SMG6: variants seen among roughly 807,000 people sequenced by gnomAD.
The protein encoded by SMG6 is SMG6 nonsense mediated mRNA decay factor, also known as telomerase-binding protein EST1A.
A neutral mutation model predicts 142.2 loss-of-function variants in SMG6; 66 were observed. The observed-to-expected ratio is 0.46, with a 90% CI of 0.38 to 0.57. SMG6 has a LOEUF of 0.57. Ranked by LOEUF, SMG6 falls within the 20% of genes least tolerant of loss-of-function variation. SMG6 has a pLI of 0.00. For missense variants in SMG6, 1,793 were observed against 1,832.0 expected, an observed-to-expected ratio of 0.98 and a Z score of 0.39; for synonymous variants, 779 against 702.4, an observed-to-expected ratio of 1.11 and a Z score of -1.72.
At chr17:2,152,922 T>A (rs998278893) in intron 13 of SMG6, among the ~76,000 whole-genome samples, 5 of 151,978 alleles carry the variant, frequency 3.3e-5, no homozygotes, top group Non-Finnish European at 7.4e-5. Flanking sequence ...AAACTGCAAA[T>A]AGCCCAAATG....
chr17:2,171,732 CTTT>C (rs370221402), intron 13 of SMG6, among the ~76,000 whole-genome samples: 6 of 138,186 alleles, frequency 4.3e-5, no homozygotes, highest in African/African-American at 5.3e-5. Context: ...GGAATTTTTA[CTTT>C]TTTTTTTTTT....
At chr17:2,272,904 T>G (rs2074569112) in intron 8 of SMG6, among the ~76,000 whole-genome samples, 1 of 151,364 alleles carries the variant, frequency 6.6e-6, no homozygotes. Flanking sequence ...CACTCCAGCA[T>G]GGGGGACAGA....
intron 6 of SMG6, among the ~76,000 whole-genome samples, chr17:2,291,866 AAAAAAG>A (rs2075045828): frequency 6.6e-6 from 1 of 151,310 alleles, no homozygotes; most frequent in Non-Finnish European, 1.5e-5. Flanking sequence ...AAAAAAAAAA[AAAAAAG>A]AGAGAGACAA....
intron 13 of SMG6, among the ~76,000 whole-genome samples, chr17:2,108,073 TG>T (rs2069202334): frequency 6.6e-6 from 1 of 152,142 alleles, no homozygotes; most frequent in African/African-American, 2.4e-5. Context: ...GGTTTTTTTT[TG>T]TTTTGTTTTG....
intron 8 of SMG6, among the ~76,000 whole-genome samples, chr17:2,261,183 G>A (rs2074304447): frequency 2.0e-5 from 3 of 150,922 alleles, no homozygotes; most frequent in South Asian, 2.1e-4. Flanking sequence ...GTGTGGTGGC[G>A]AGCACCTGTA....
chr17:2,063,664 T>G (rs778019659), intron 18 of SMG6, among the ~76,000 whole-genome samples: 12 of 152,230 alleles, frequency 7.9e-5, no homozygotes, highest in Non-Finnish European at 1.6e-4. Context: ...TCTAGGAAGC[T>G]CAGGCTTGCC....
chr17:2,242,689 T>TAAAAAAAAAA (rs57079220), intron 9 of SMG6, among the ~76,000 whole-genome samples: 42 of 55,848 alleles, frequency 7.5e-4, no homozygotes, highest in South Asian at 1.7e-3. Flanking sequence ...TCCATCTCTT[T>TAAAAAAAAAA]AAAAAAAAAA....
At chr17:2,219,431 G>T (rs538934948) in intron 10 of SMG6, among the ~76,000 whole-genome samples, 8 of 152,070 alleles carry the variant, frequency 5.3e-5, no homozygotes, top group Admixed American at 2.0e-4. Context: ...AATGTCTACA[G>T]GAAGGTGGTT....
At chr17:2,230,844 C>T (rs1010273147) in intron 10 of SMG6, among the ~76,000 whole-genome samples, 1 of 152,166 alleles carries the variant, frequency 6.6e-6, no homozygotes, top group African/African-American at 2.4e-5. Context: ...CTACTTCTCA[C>T]AAAATTCCTT....
chr17:2,110,782 C>T (rs911468841), intron 13 of SMG6, among the ~76,000 whole-genome samples: 6 of 152,174 alleles, frequency 3.9e-5, no homozygotes, highest in Admixed American at 2.0e-4. Context: ...GTGCTCCAGT[C>T]TGCACGCTGC....
intron 13 of SMG6, among the ~76,000 whole-genome samples, chr17:2,157,404 T>A (rs938184966): frequency 6.6e-6 from 1 of 152,218 alleles, no homozygotes; most frequent in Non-Finnish European, 1.5e-5. Context: ...GAACTCCACA[T>A]ACTCAACTTC....
chr17:2,189,383 G>A (rs987963576), intron 10 of SMG6, among the ~76,000 whole-genome samples: 2 of 152,082 alleles, frequency 1.3e-5, no homozygotes, highest in Non-Finnish European at 2.9e-5. Context: ...TGAAAGCCAC[G>A]TCATCTGAAC....
intron 8 of SMG6, among the ~76,000 whole-genome samples, chr17:2,263,701 A>G (rs2074364801): frequency 6.6e-6 from 1 of 152,164 alleles, no homozygotes. Context: ...TTCAATACTA[A>G]ATATTTATGA....
intron 3 of SMG6, 101 bp downstream of exon 3, chr17:2,297,762 C>A (rs542588637): frequency 2.9e-6 from 4 of 1,370,540 alleles, no homozygotes; most frequent in Admixed American, 2.3e-5. Context: ...GTTTTTTTGT[C>A]GATATTCTGT....
chr17:2,144,286 C>T (rs1234941223), intron 13 of SMG6, among the ~76,000 whole-genome samples: 1 of 152,068 alleles, frequency 6.6e-6, no homozygotes, highest in African/African-American at 2.4e-5. Context: ...AGGCTGGTCT[C>T]AAACTCCTGA....
At position 2,300,016 on chromosome 17, in the gene SMG6, C is replaced by A; in HGVS notation, c.737G>T (p.Arg246Leu). ...GRPGSAKRYS[R>L]SDKRRNRYRT... ...GTAGCGATTCCTTCGTTTGTCTGAG[C>A]GGGAGTAGCGCTTTGCGGAGCCCGG... Residue 246 changes from arginine to leucine, a missense_variant, in exon 2 of 19, where the codon CGC becomes CTC. Arg to Leu is a moderately radical substitution (Grantham distance 102, BLOSUM62 -2). Around this residue, in one of 3 missense-constraint regions of SMG6, gnomAD observed 1,597 missense variants for 1,584.6 expected, o/e 1.01. Transcript: ENST00000263073. The A allele has an allele frequency of 1.2e-6, 2 of 1,614,146 alleles. No homozygotes were observed. The highest frequency in any genetic ancestry group is 1.7e-6 in the Non-Finnish European group (2 of 1,180,040).
rs1161732926 is a variant in SMG6, at chr17:2,236,701, T to TCTCTCA, written c.2724-65_2724-64insTGAGAG. 2.0e-4 allele frequency: 189 copies of TCTCTCA among 959,036 alleles called. 1 individual carries two copies. In the African/African-American group the frequency reaches 3.1e-3, roughly 16 times the overall value. The allele number at this position is 959,036 out of a possible 1,614,324, so 59.4% of individuals were successfully genotyped here. A position where few individuals can be genotyped will look rare whatever the true frequency, so the allele number is the denominator to read the frequency against. Reference sequence around the variant, plus strand: ...CTTTCAGTCTCTCTCTCACTCTGTCTCACACACACACACACACACACACAC... The same window carrying TCTCTCA: ...CTTTCAGTCTCTCTCTCACTCTGTCTCTCTCACACACACACACACACACACACACAC... On this transcript the variant is annotated intron_variant, in intron 9 of 18. Coordinates refer to ENST00000263073, the MANE Select transcript of SMG6 (RefSeq NM_017575.5).
At chr17:2,135,633 G>A (rs1481952863) in intron 13 of SMG6, among the ~76,000 whole-genome samples, 3 of 152,198 alleles carry the variant, frequency 2.0e-5, no homozygotes, top group Non-Finnish European at 2.9e-5. Context: ...CACTAGAAAT[G>A]TGACTAGTGT....
chr17:2,251,412 C>T (rs2074043375), intron 8 of SMG6, among the ~76,000 whole-genome samples: 1 of 152,142 alleles, frequency 6.6e-6, no homozygotes, highest in Non-Finnish European at 1.5e-5. Context: ...ATGGCAACAG[C>T]TCTTCACCCT....
Sources: gnomAD v4.1 joint callset for allele counts (sites outside exome capture counted in the v4.1 genomes callset) on GRCh38, gnomAD v4.1.1 for gene constraint, gnomAD v4.1.1 regional missense constraint, MANE v1.5 for transcripts, NCBI Gene and HGNC (gene_info 2026-07-23, HGNC 2026-07-21) for gene names.